The following HNRNPU variants were observed in gnomAD, a reference collection of about 807,000 sequenced individuals.
HNRNPU encodes HNRNPU antisense RNA 1.
HNRNPU carries 5 observed loss-of-function variants against 94.7 expected under a neutral mutation model. That is an observed-to-expected ratio of 0.05 (90% confidence interval 0.03 to 0.11). The LOEUF is 0.11. HNRNPU is among the 10% of genes least tolerant of loss of function. HNRNPU has a pLI of 1.00. For missense variants in HNRNPU, 710 were observed against 1,049.2 expected, an observed-to-expected ratio of 0.68 and a Z score of 4.47; for synonymous variants, 434 against 381.6, an observed-to-expected ratio of 1.14 and a Z score of -1.60.
chr1:244,860,891 T>C (rs566060120), intron 3 of HNRNPU: 1 of 192,086 alleles, frequency 5.2e-6, no homozygotes, highest in South Asian at 1.7e-4. Context: ...ACCAAATTAT[T>C]TTAAAATAGG....
At chr1:244,854,532 A>G in intron 13 of HNRNPU, 29 bp from the exon 14 acceptor site, 3 of 1,444,098 alleles carry the variant, frequency 2.1e-6, no homozygotes, top group Non-Finnish European at 2.9e-6. Flanking sequence ...TTTTTAAAGA[A>G]AAAACATCAA....
intron 12 of HNRNPU, 133 bp from the exon 13 acceptor site, chr1:244,855,177 G>A (rs925144843): frequency 1.3e-6 from 1 of 763,314 alleles, no homozygotes; most frequent in Non-Finnish European, 2.3e-6. Context: ...ACAAATTCTG[G>A]ATACCCTCTG....
Position 244,858,776 on chromosome 1 carries a change from C to T in HNRNPU, c.1183G>A (p.Asp395Asn). The change falls in exon 6 of 14, where the codon GAT becomes AAT. Residue 395 changes from aspartate to asparagine, a missense_variant. By Grantham distance (23) the Asp-to-Asn change is conservative. Coordinates refer to ENST00000640218, the MANE Select transcript of HNRNPU (RefSeq NM_031844.3). ...TTTTCATCAAACTTTTCTCCATAAT[C>T]TTCAGTCTCACAGTTGCATGTTTTT... ...GIKTCNCETE[D>N]YGEKFDENDV... is the part of the protein sequence containing the mutation. 1 of 1,599,458 alleles carries T rather than the reference C, an allele frequency of 6.3e-7. No homozygotes were observed. Among genetic ancestry groups the T allele is most frequent in the Non-Finnish European group, 8.6e-7 (1 of 1,167,396 alleles).
At chr1:244,857,130 T>C (rs1408672774) in intron 8 of HNRNPU, 1 of 312,164 alleles carries the variant, frequency 3.2e-6, no homozygotes, top group African/African-American at 2.2e-5. Context: ...CCCTCAGAGT[T>C]GAAAGAACCA....
intron 13 of HNRNPU, chr1:244,854,742 C>G (rs1201079132): frequency 1.9e-6 from 1 of 528,234 alleles, no homozygotes; most frequent in African/African-American, 1.9e-5. Context: ...AGTAAAAGAA[C>G]TGTATATATT....
chr1:244,859,457 G>T (rs142160502), intron 4 of HNRNPU, 83 bp from the exon 5 acceptor site: 3 of 681,204 alleles, frequency 4.4e-6, no homozygotes, highest in African/African-American at 3.6e-5. Flanking sequence ...TGCGCCACGG[G>T]CTAATCTTCC....
rs1040395959 is a variant in HNRNPU at position 244,853,448 on chromosome 1, T to C, written c.*1002A>G. ...AATTAATTTCTCCACCCACTTTCTTTAGAAAGAAAAAGAAATCAGCAGGCT... is the reference window on the plus strand; with the variant it reads ...AATTAATTTCTCCACCCACTTTCTTCAGAAAGAAAAAGAAATCAGCAGGCT... On this transcript the variant is annotated 3_prime_UTR_variant, in exon 14 of 14. Coordinates refer to ENST00000640218, the MANE Select transcript of HNRNPU (RefSeq NM_031844.3). The C allele has an allele frequency of 6.6e-6, 1 of 152,568 alleles. No individual in the cohort carries two copies. The highest frequency in any genetic ancestry group is 2.1e-4 in the South Asian group (1 of 4,838). The allele number at this position is 152,568 out of a possible 1,614,324, so 9.5% of individuals were successfully genotyped here.
chr1:244,861,293 T>C (rs1241932966), intron 3 of HNRNPU: 2 of 152,234 alleles, frequency 1.3e-5, no homozygotes, highest in African/African-American at 4.8e-5. Context: ...ATTCAACAGA[T>C]TGTTTGAATT....
Position 244,854,979 on chromosome 1 carries a change from C to G in HNRNPU, c.2418G>C (p.Gln806His). 6.2e-7 allele frequency: 1 copy of G among 1,610,032 alleles called. No individual in the cohort carries two copies. The highest frequency in any genetic ancestry group is 8.5e-7 in the Non-Finnish European group (1 of 1,176,240). The stretch of plus-strand genomic sequence containing the variant: ...CACATAAGAAATTACTTACACCCTG[C>G]TGCCACTGGTTGTAGCCCTGAGATT... Reference protein sequence around the residue: ...KNQSQGYNQWQQGQFWGQKPW... With the variant: ...KNQSQGYNQWHQGQFWGQKPW... The change falls in exon 13 of 14, where the codon CAG (glutamine) becomes CAC (histidine). Residue 806 changes from glutamine (Q) to histidine (H), a missense_variant. Transcript: ENST00000640218.
In HNRNPU at chr1:244,858,791, T is replaced by C. The variant is rs1363920060; in HGVS notation, c.1168A>G (p.Asn390Asp). ...GYSLKGIKTC[N>D]CETEDYGEKF... ...TCTCCATAATCTTCAGTCTCACAGT[T>C]GCATGTTTTTATTCCTTTTAGAGAA... The change falls in exon 6 of 14, where the codon AAC (asparagine) becomes GAC (aspartate). Residue 390 changes from asparagine to aspartate, a missense_variant. Asn to Asp is a conservative substitution (Grantham distance 23). Around this residue, in one of 8 missense-constraint regions of HNRNPU, gnomAD observed 150 missense variants for 187.9 expected, o/e 0.80. Coordinates refer to ENST00000640218, the MANE Select transcript of HNRNPU (RefSeq NM_031844.3). The C allele has an allele frequency of 3.1e-6, 5 of 1,593,776 alleles. No homozygotes were observed. Among genetic ancestry groups the C allele is most frequent in the Non-Finnish European group, 4.3e-6 (5 of 1,162,274 alleles).
rs1368471775 is a variant in HNRNPU, at chr1:244,851,746, C to G, written c.*2704G>C. 1 of 152,160 alleles carries G rather than the reference C, an allele frequency of 6.6e-6. No individual in the cohort carries two copies. Among genetic ancestry groups the G allele is most frequent in the Non-Finnish European group, 1.5e-5 (1 of 68,044 alleles). 9.4% of individuals were successfully genotyped at this position (152,160 alleles called of 1,614,324 possible). A position where few individuals can be genotyped will look rare whatever the true frequency, so the allele number is the denominator to read the frequency against. ...TTTCATGATTTCATCTCGCTCAAGG[C>G]CATCAACCGGTCAGAGCCAGAGCCC... On this transcript the variant is annotated 3_prime_UTR_variant, in exon 14 of 14. Transcript: ENST00000640218.
intron 2 of HNRNPU, 25 bp from the exon 3 acceptor site, chr1:244,862,559 T>TA: frequency 6.2e-7 from 1 of 1,611,800 alleles, no homozygotes; most frequent in Non-Finnish European, 8.5e-7. Context: ...TGTCTCCTGA[T>TA]ACAGCTTTCC....
chr1:244,853,506 A>C lies in HNRNPU; in HGVS notation c.*944T>G, dbSNP rs1328720797. The C allele has an allele frequency of 2.0e-5, 3 of 152,602 alleles. No homozygotes were observed. Among genetic ancestry groups the C allele is most frequent in the Non-Finnish European group, 2.9e-5 (2 of 68,006 alleles). The allele number at this position is 152,602 out of a possible 1,614,324, so 9.5% of individuals were successfully genotyped here. Reference sequence around the variant, plus strand: ...TACCCATTCAAGAACTGACATGATTAAAAATTAAGATATAAATGGGTGACT... The same window carrying C: ...TACCCATTCAAGAACTGACATGATTCAAAATTAAGATATAAATGGGTGACT... On this transcript the variant is annotated 3_prime_UTR_variant, in exon 14 of 14. Coordinates refer to ENST00000640218, the MANE Select transcript of HNRNPU (RefSeq NM_031844.3).
chr1:244,855,760 G>A (rs1680662645), intron 11 of HNRNPU, 144 bp downstream of exon 11: 21 of 1,235,164 alleles, frequency 1.7e-5, no homozygotes, highest in Non-Finnish European at 2.2e-5. Context: ...TAACCTAGGT[G>A]TATTTAATAT....
rs1455165658 is a variant in HNRNPU, at chr1:244,863,949, G to C, written c.359C>G (p.Pro120Arg). ...CGAGGCGGCCTCCTCCTCCTCCATC[G>C]GGCCCGAGTCGGCCGCCCCCGCGGC... ...NGAAGAADSGPMEEEEAASED... is the reference protein window; with the variant it reads ...NGAAGAADSGRMEEEEAASED... Residue 120 changes from proline to arginine, a missense_variant, in exon 1 of 14, where the codon CCG becomes CGG. Physicochemically the swap from Pro to Arg is moderately radical, Grantham distance 103. Around this residue, in one of 8 missense-constraint regions of HNRNPU, gnomAD observed 292 missense variants for 293.4 expected, o/e 1.00. Transcript: ENST00000640218. The C allele has an allele frequency of 1.2e-6, 2 of 1,613,622 alleles. No individual in the cohort carries two copies. Among genetic ancestry groups the C allele is most frequent in the Non-Finnish European group, 1.7e-6 (2 of 1,179,884 alleles).
intron 12 of HNRNPU, 52 bp downstream of exon 12, chr1:244,855,372 C>T: frequency 6.4e-7 from 1 of 1,552,844 alleles, no homozygotes; most frequent in South Asian, 1.1e-5. Flanking sequence ...TCACACCTTT[C>T]CAGACTAAGC....
chr1:244,854,848 TCA>T (rs1680637733), intron 13 of HNRNPU, 123 bp downstream of exon 13: 5 of 788,152 alleles, frequency 6.3e-6, no homozygotes, highest in Non-Finnish European at 6.3e-6. Flanking sequence ...GCAAGACGAT[TCA>T]CACTTTACCC....
chr1:244,854,535 A>T (rs1191230549), intron 13 of HNRNPU, 32 bp from the exon 14 acceptor site: 4 of 1,396,968 alleles, frequency 2.9e-6, no homozygotes, highest in Non-Finnish European at 4.1e-6. Context: ...TTAAAGAAAA[A>T]ACATCAATAA....
In HNRNPU at chr1:244,864,375, C is replaced by A. The variant is rs1227432033; in HGVS notation, c.-68G>T. 1 of 1,583,602 alleles carries A rather than the reference C, an allele frequency of 6.3e-7. No homozygotes were observed. The highest frequency in any genetic ancestry group is 8.5e-7 in the Non-Finnish European group (1 of 1,169,696). On this transcript the variant is annotated 5_prime_UTR_variant, in exon 1 of 14. Transcript: ENST00000640218. ...GCTCCGCTCACTCGGCCACTGGTGGCGGCTGCTGCGGCTGCTCCTCGGCCC... is the reference window on the plus strand; with the variant it reads ...GCTCCGCTCACTCGGCCACTGGTGGAGGCTGCTGCGGCTGCTCCTCGGCCC...
Sources: allele counts gnomAD v4.1 joint callset, GRCh38; gene constraint gnomAD v4.1.1; regional missense constraint gnomAD v4.1.1; transcripts MANE v1.5; gene names NCBI Gene and HGNC (gene_info 2026-07-23, HGNC 2026-07-21).